Variants in NEDD4L observed in about 807,000 individuals in gnomAD.
The protein encoded by NEDD4L is E3 ubiquitin-protein ligase NEDD4-like.
In NEDD4L, 54 loss-of-function variants were observed where a neutral mutation model predicts 148.9. The ratio of observed to expected loss-of-function variants is 0.36; its 90% CI spans 0.29 to 0.45. NEDD4L has a LOEUF of 0.45. Among genes scored for constraint, NEDD4L ranks in the 20% least tolerant of loss-of-function variants. NEDD4L has a pLI of 1.00. For synonymous variants in NEDD4L, 433 were observed against 440.7 expected (o/e 0.98, Z 0.22); for missense variants, 856 against 1,233.8 (o/e 0.69, Z 4.59).
chr18:58,100,806 TA>T (rs201950169), intron 1 of NEDD4L, among the ~76,000 whole-genome samples: 5,217 of 152,036 alleles, frequency 0.034, 301 homozygotes, highest in African/African-American at 0.12. Flanking sequence ...TATTTTTAAT[TA>T]AAAAAATATT....
In NEDD4L at chr18:58,165,770, T is replaced by G; in HGVS notation, c.49-18T>G. The G allele has an allele frequency of 6.2e-7, 1 of 1,604,102 alleles. No individual in the cohort carries two copies. Among genetic ancestry groups the G allele is most frequent in the Non-Finnish European group, 8.5e-7 (1 of 1,173,750 alleles). ...AAGATCAGGTTTTTAACCTCTTTTT[T>G]TGTTCTCCTTCTCACAGGGAGAGTC... On this transcript the variant is annotated intron_variant, in intron 1 of 30. Transcript: ENST00000400345.
chr18:58,205,992 CTG>C (rs2041944685), intron 2 of NEDD4L, among the ~76,000 whole-genome samples: 1 of 152,212 alleles, frequency 6.6e-6, no homozygotes, highest in South Asian at 2.1e-4. Context: ...ATACCACCTT[CTG>C]TACAATGGCT....
At chr18:58,234,281 C>T (rs1338248075) in intron 2 of NEDD4L, among the ~76,000 whole-genome samples, 1 of 127,268 alleles carries the variant, frequency 7.9e-6, no homozygotes, top group Non-Finnish European at 1.6e-5. Flanking sequence ...CCTCCCTTCC[C>T]CCCTTCTCCT....
At chr18:58,052,844 T>C (rs1221907987) in intron 1 of NEDD4L, among the ~76,000 whole-genome samples, 11 of 152,118 alleles carry the variant, frequency 7.2e-5, no homozygotes, top group African/African-American at 2.7e-4. Flanking sequence ...CGTGCCCCTG[T>C]AATCCCAGCT....
Position 58,044,789 on chromosome 18 carries a change from C to G in NEDD4L, c.48+81C>G, listed in dbSNP as rs116395340. 5,430 of 1,522,188 alleles carry G rather than the reference C, an allele frequency of 3.6e-3. 170 individuals are homozygous for G. The African/African-American group carries it at 0.065, about 18-fold the overall frequency. The allele number at this position is 1,522,188 out of a possible 1,614,324, so 94.3% of individuals were successfully genotyped here. A position where few individuals can be genotyped will look rare whatever the true frequency, so the allele number is the denominator to read the frequency against. ...GGCAGGGGGAGGGGAAAGGGGCCGT[C>G]CCCGGGGTGCTCGTGCCCAGCGTCT... is the stretch of plus-strand genomic sequence containing the variant. On this transcript the variant is annotated intron_variant, in intron 1 of 30. Transcript: ENST00000400345.
intron 5 of NEDD4L, among the ~76,000 whole-genome samples, chr18:58,252,311 C>T (rs1251089491): frequency 6.6e-6 from 1 of 152,194 alleles, no homozygotes; most frequent in Non-Finnish European, 1.5e-5. Context: ...GGTGATAGTA[C>T]CAGCCCATAT....
intron 1 of NEDD4L, among the ~76,000 whole-genome samples, chr18:58,108,725 G>T (rs943494178): frequency 1.3e-5 from 2 of 152,176 alleles, no homozygotes; most frequent in African/African-American, 4.8e-5. Context: ...CCAGCCTACT[G>T]TTATTATTTT....
chr18:58,288,553 ATAT>A (rs1483730629), intron 5 of NEDD4L, among the ~76,000 whole-genome samples: 1 of 152,230 alleles, frequency 6.6e-6, no homozygotes, highest in East Asian at 1.9e-4. Context: ...TTATAGTTTA[ATAT>A]TGTTGTTGTT....
chr18:58,142,198 C>T (rs1599062854), intron 1 of NEDD4L, among the ~76,000 whole-genome samples: 2 of 136,520 alleles, frequency 1.5e-5, no homozygotes, highest in African/African-American at 5.4e-5. Context: ...AGGCACCCGC[C>T]ACCACGCCCG....
At chr18:58,379,482 C>G (rs1490022565) in intron 24 of NEDD4L, among the ~76,000 whole-genome samples, 1 of 152,160 alleles carries the variant, frequency 6.6e-6, no homozygotes, top group South Asian at 2.1e-4. Flanking sequence ...CAAATTTGGG[C>G]GAAAGGAGAA....
rs772551955 is a variant in NEDD4L at position 58,324,997 on chromosome 18, A to G, written c.515A>G (p.His172Arg). 9.9e-6 allele frequency: 16 copies of G among 1,613,146 alleles called. No individual in the cohort carries two copies. Among genetic ancestry groups the G allele is most frequent in the South Asian group, 2.2e-5 (2 of 90,956 alleles). The change falls in exon 9 of 31, where the codon CAT (histidine) becomes CGT (arginine). Residue 172 changes from histidine to arginine, a missense_variant and splice_region_variant. Transcript: ENST00000400345. ...CGTCCCTTTAACTTTATTCCGCAGC[A>G]TGGATGGGAAGTTGTTGACTCAAAT... Reference protein sequence around the residue: ...ENSDQRDDMEHGWEVVDSNDS... With the variant: ...ENSDQRDDMERGWEVVDSNDS...
rs1263337544 is a variant in NEDD4L at position 58,400,322 on chromosome 18, A to G, written c.*4053A>G. Reference sequence around the variant, plus strand: ...TTTCAGGACTGAGATGTGTTTTTAAAAAACAAATCCTTATAAACTCCACTT... The same window carrying G: ...TTTCAGGACTGAGATGTGTTTTTAAGAAACAAATCCTTATAAACTCCACTT... On this transcript the variant is annotated 3_prime_UTR_variant, in exon 31 of 31. Transcript: ENST00000400345. The G allele has an allele frequency of 6.6e-6, 1 of 152,240 alleles. No individual in the cohort carries two copies. The highest frequency in any genetic ancestry group is 1.5e-5 in the Non-Finnish European group (1 of 68,046). The allele number at this position is 152,240 out of a possible 1,614,324, so 9.4% of individuals were successfully genotyped here. A position where few individuals can be genotyped will look rare whatever the true frequency, so the allele number is the denominator to read the frequency against.
chr18:58,278,965 A>G (rs1288710913), intron 5 of NEDD4L, among the ~76,000 whole-genome samples: 1 of 152,038 alleles, frequency 6.6e-6, no homozygotes, highest in African/African-American at 2.4e-5. Context: ...TCTGCCTCCC[A>G]GGTTCAAGTG....
At chr18:58,166,036 A>AT (rs1452312009) in intron 2 of NEDD4L, among the ~76,000 whole-genome samples, 175 bp downstream of exon 2, 1 of 152,188 alleles carries the variant, frequency 6.6e-6, no homozygotes, top group Non-Finnish European at 1.5e-5. Context: ...CCAGGAGCAC[A>AT]TTTTGCACAG....
At chr18:58,125,070 A>T (rs2030789782) in intron 1 of NEDD4L, among the ~76,000 whole-genome samples, 1 of 152,138 alleles carries the variant, frequency 6.6e-6, no homozygotes, top group Non-Finnish European at 1.5e-5. Context: ...CTAATTTATT[A>T]AAAAACATTT....
intron 1 of NEDD4L, among the ~76,000 whole-genome samples, chr18:58,123,161 G>A (rs551375412): frequency 5.3e-4 from 81 of 152,100 alleles, no homozygotes; most frequent in Non-Finnish European, 1.1e-3. Flanking sequence ...ATGGAAGCCT[G>A]GCTGGCCCTT....
intron 1 of NEDD4L, among the ~76,000 whole-genome samples, chr18:58,163,688 G>A (rs139515538): frequency 4.4e-4 from 67 of 152,296 alleles, no homozygotes; most frequent in African/African-American, 1.5e-3. Flanking sequence ...GTTCTTTACC[G>A]TATTATGAGG....
At chr18:58,315,180 G>A (rs1006842826) in intron 5 of NEDD4L, among the ~76,000 whole-genome samples, 1 of 152,016 alleles carries the variant, frequency 6.6e-6, no homozygotes, top group African/African-American at 2.4e-5. Flanking sequence ...TTTGCTTCTC[G>A]GGTCATCTAA....
intron 24 of NEDD4L, among the ~76,000 whole-genome samples, chr18:58,374,526 C>G (rs564617991): frequency 6.6e-6 from 1 of 151,688 alleles, no homozygotes; most frequent in Non-Finnish European, 1.5e-5. Flanking sequence ...TACAGACAGG[C>G]GGACACTGTT....
Sources: allele counts gnomAD v4.1 joint callset (sites outside exome capture counted in the v4.1 genomes callset), GRCh38; gene constraint gnomAD v4.1.1; transcripts MANE v1.5; gene names NCBI Gene and HGNC (gene_info 2026-07-23, HGNC 2026-07-21).